The following SFI1 variants were observed in gnomAD, a reference collection of about 807,000 sequenced individuals.
SFI1 encodes SFI1 centrin binding protein.
In SFI1, 195 loss-of-function variants were observed where a neutral mutation model predicts 207.5. That is an observed-to-expected ratio of 0.94 (90% confidence interval 0.84 to 1.06). The LOEUF (loss-of-function observed/expected upper bound fraction) is 1.06, where lower values mean the gene tolerates loss of function less well. Among genes scored for constraint, SFI1 ranks in the 50% least tolerant of loss-of-function variants. SFI1 has a pLI of 0.00. For missense variants in SFI1, 1,634 were observed against 1,588.0 expected (o/e 1.03, Z -0.49); for synonymous variants, 630 against 598.9 (o/e 1.05, Z -0.76).
rs1052315370 is a variant in SFI1, at chr22:31,618,056, C to T, written c.3513-59C>T. ...ATTAGCTGAGGTGCCTCTCCCTGAGCCGGATGGGGCTCTGCCAAGGACCCA... is the reference window on the plus strand; with the variant it reads ...ATTAGCTGAGGTGCCTCTCCCTGAGTCGGATGGGGCTCTGCCAAGGACCCA... On this transcript the variant is annotated intron_variant, in intron 31 of 32. Transcript: ENST00000400288. The T allele has an allele frequency of 6.0e-6, 9 of 1,511,706 alleles. No homozygotes were observed. The Admixed American group carries it at 1.5e-4, about 26-fold the overall frequency. 93.6% of individuals were successfully genotyped at this position (1,511,706 alleles called of 1,614,324 possible). A position where few individuals can be genotyped will look rare whatever the true frequency, so the allele number is the denominator to read the frequency against.
intron 15 of SFI1, among the ~76,000 whole-genome samples, chr22:31,601,195 C>T (rs2068046436): frequency 7.0e-6 from 1 of 143,014 alleles, no homozygotes. Context: ...ACGATCTCGG[C>T]TCACTGCAAG....
In SFI1 at chr22:31,597,099, A is replaced by G. The variant is rs73160668; in HGVS notation, c.1545-5113A>G. 7.8e-3 allele frequency among the ~76,000 whole-genome samples: 1,193 copies of G among 152,248 alleles called. 11 individuals carry two copies. Among genetic ancestry groups the G allele is most frequent in the Non-Finnish European group, 0.013 (874 of 68,010 alleles). ...GCTTCAGTACTGAAAACATGCACAC[A>G]CAGTACCCGTTTCTTTTTTTACTGT... On this transcript the variant is annotated intron_variant, in intron 15 of 32. Coordinates refer to ENST00000400288, the MANE Select transcript of SFI1 (RefSeq NM_001007467.3).
chr22:31,506,049 C>CTT (rs1164240180), intron 1 of SFI1, among the ~76,000 whole-genome samples: 20 of 138,308 alleles, frequency 1.4e-4, no homozygotes, highest in African/African-American at 2.4e-4. Context: ...GAAATCCTGT[C>CTT]TTTTTTTTTT....
At chr22:31,589,108 C>T (rs1471127512) in intron 14 of SFI1, among the ~76,000 whole-genome samples, 1 of 152,106 alleles carries the variant, frequency 6.6e-6, no homozygotes, top group Non-Finnish European at 1.5e-5. Flanking sequence ...AAACCCCATA[C>T]ATATCACTGA....
At chr22:31,539,512 C>T (rs532619737) in intron 4 of SFI1, among the ~76,000 whole-genome samples, 7 of 152,020 alleles carry the variant, frequency 4.6e-5, no homozygotes, top group Admixed American at 4.6e-4. Context: ...TGCATGTTTC[C>T]TTTCTTTTTA....
intron 6 of SFI1, among the ~76,000 whole-genome samples, chr22:31,556,283 C>T (rs909876393): frequency 4.0e-5 from 6 of 149,650 alleles, no homozygotes; most frequent in Non-Finnish European, 7.4e-5. Flanking sequence ...AGTGCAATGG[C>T]GTGATCTCAG....
At chr22:31,554,018 A>G (rs2060916599) in intron 6 of SFI1, among the ~76,000 whole-genome samples, 1 of 150,648 alleles carries the variant, frequency 6.6e-6, no homozygotes, top group African/African-American at 2.4e-5. Context: ...TTTATATTTT[A>G]CAGAGATGGG....
intron 4 of SFI1, among the ~76,000 whole-genome samples, chr22:31,544,033 C>T (rs2147826695): frequency 6.6e-6 from 1 of 152,020 alleles, no homozygotes; most frequent in African/African-American, 2.4e-5. Context: ...TACTGAAATA[C>T]AAAAAATTAG....
intron 2 of SFI1, among the ~76,000 whole-genome samples, chr22:31,524,393 T>A (rs1376164519): frequency 6.6e-6 from 1 of 152,118 alleles, no homozygotes; most frequent in East Asian, 1.9e-4. Flanking sequence ...TGTCTTCTTT[T>A]GAGAAATGTC....
intron 16 of SFI1, 102 bp from the exon 17 acceptor site, chr22:31,602,505 C>T: frequency 7.1e-7 from 1 of 1,403,012 alleles, no homozygotes; most frequent in African/African-American, 1.4e-5. Flanking sequence ...ACATCCATTC[C>T]TTTTGCCTTA....
intron 1 of SFI1, among the ~76,000 whole-genome samples, chr22:31,500,590 T>A (rs2146340508): frequency 6.6e-6 from 1 of 152,086 alleles, no homozygotes; most frequent in South Asian, 2.1e-4. Flanking sequence ...CCTGAGTAGC[T>A]GGAATTACAG....
At chr22:31,601,629 C>G (rs1258088367) in intron 15 of SFI1, among the ~76,000 whole-genome samples, 1 of 152,140 alleles carries the variant, frequency 6.6e-6, no homozygotes, top group Non-Finnish European at 1.5e-5. Flanking sequence ...TAATGAAGAC[C>G]TGGGGTCTCA....
At chr22:31,580,174 C>T in intron 11 of SFI1, 98 bp from the exon 12 acceptor site, 1 of 826,688 alleles carries the variant, frequency 1.2e-6, no homozygotes, top group Non-Finnish European at 2.0e-6. Flanking sequence ...CAAGCTTCTC[C>T]CCGCTGATTT....
intron 1 of SFI1, among the ~76,000 whole-genome samples, chr22:31,503,069 A>AAAT (rs1383034757): frequency 6.6e-6 from 1 of 151,660 alleles, no homozygotes; most frequent in African/African-American, 2.4e-5. Flanking sequence ...AAAAAAAAAA[A>AAAT]AAAAGGTGTA....
At chr22:31,518,065 C>T (rs952981567) in intron 2 of SFI1, among the ~76,000 whole-genome samples, 12 of 152,304 alleles carry the variant, frequency 7.9e-5, no homozygotes, top group African/African-American at 2.9e-4. Flanking sequence ...TGGCGCACTG[C>T]AATGCCTGCC....
At chr22:31,594,000 G>GGGGCAGGCGC (rs1569421832) in intron 15 of SFI1, among the ~76,000 whole-genome samples, 1 of 86,758 alleles carries the variant, frequency 1.2e-5, no homozygotes, top group African/African-American at 4.0e-5. Flanking sequence ...GGGAGAGGGA[G>GGGGCAGGCGC]AGGGACAGGG....
At chr22:31,561,244 G>C (rs545558278) in intron 7 of SFI1, 46 bp from the exon 8 acceptor site, 2 of 1,571,948 alleles carry the variant, frequency 1.3e-6, no homozygotes, top group Middle Eastern at 1.7e-4. Context: ...TCTTTCCTGA[G>C]TGGCTTTTTA....
intron 4 of SFI1, among the ~76,000 whole-genome samples, chr22:31,541,570 A>T (rs2059493245): frequency 6.6e-6 from 1 of 151,668 alleles, no homozygotes; most frequent in African/African-American, 2.4e-5. Context: ...CCTGGCCAAC[A>T]TAGTGAAACC....
intron 4 of SFI1, among the ~76,000 whole-genome samples, chr22:31,540,784 G>A (rs2059409952): frequency 6.6e-6 from 1 of 151,146 alleles, no homozygotes; most frequent in South Asian, 2.1e-4. Context: ...GTCTCGCCAT[G>A]TTGGCCAGGC....
Sources: allele counts gnomAD v4.1 joint callset (sites outside exome capture counted in the v4.1 genomes callset), GRCh38; gene constraint gnomAD v4.1.1; transcripts MANE v1.5; gene names NCBI Gene and HGNC (gene_info 2026-07-23, HGNC 2026-07-21).